Variants in FBXL20 observed in about 807,000 individuals in gnomAD.
FBXL20 encodes the protein F-box/LRR-repeat protein 20.
FBXL20 carries 11 observed loss-of-function variants against 64.0 expected under a neutral mutation model. The ratio of observed to expected loss-of-function variants is 0.17; its 90% CI spans 0.11 to 0.28. The LOEUF is 0.28. FBXL20 is among the 10% of genes least tolerant of loss of function. FBXL20 has a pLI of 1.00. For missense variants in FBXL20, 303 were observed against 526.2 expected (o/e 0.58, Z 4.15); for synonymous variants, 184 against 189.0 (o/e 0.97, Z 0.22).
rs35010353 is a variant in FBXL20 at position 39,349,935 on chromosome 17, C to CA, written c.43-6695dup. On this transcript the variant is annotated intron_variant, in intron 1 of 14. Transcript: ENST00000264658. Reference sequence around the variant, plus strand: ...TGGGCTAAAGAGCGAGACTCCGTCTCAAAAAAAAAAAAAAAAGATGCAGTC... The same window carrying CA: ...TGGGCTAAAGAGCGAGACTCCGTCTCAAAAAAAAAAAAAAAAAGATGCAGTC... Among the ~76,000 whole-genome samples the CA allele has an allele frequency of 6.0e-3, 666 of 110,904 alleles. 3 individuals are homozygous for CA. The highest frequency in any genetic ancestry group is 0.01 in the Middle Eastern group (2 of 194). The allele number at this position is 110,904 out of a possible 152,430, so 72.8% of individuals were successfully genotyped here. A position where few individuals can be genotyped will look rare whatever the true frequency, so the allele number is the denominator to read the frequency against.
At chr17:39,352,730 T>G (rs1270551513) in intron 1 of FBXL20, among the ~76,000 whole-genome samples, 2 of 151,214 alleles carry the variant, frequency 1.3e-5, no homozygotes, top group African/African-American at 4.9e-5. Flanking sequence ...GAAATACTTG[T>G]TCAACAGTGA....
At chr17:39,299,697 C>T (rs2047117683) in intron 4 of FBXL20, among the ~76,000 whole-genome samples, 1 of 152,058 alleles carries the variant, frequency 6.6e-6, no homozygotes, top group Non-Finnish European at 1.5e-5. Flanking sequence ...AGGAGAATGG[C>T]GTGAACCCAG....
intron 1 of FBXL20, among the ~76,000 whole-genome samples, chr17:39,355,888 C>T (rs1310884197): frequency 6.9e-6 from 1 of 145,482 alleles, no homozygotes; most frequent in East Asian, 2.1e-4. Context: ...AACTCCTTTG[C>T]CTAATCCAAT....
At chr17:39,276,221 G>GAAAAAAAAAAAAAAAA (rs1215336803) in intron 9 of FBXL20, among the ~76,000 whole-genome samples, 10 of 60,556 alleles carry the variant, frequency 1.7e-4, no homozygotes, top group Non-Finnish European at 2.5e-4. Context: ...AGCAAGAAAA[G>GAAAAAAAAAAAAAAAA]AAAAAAAAAA....
At chr17:39,396,393 C>A (rs1472075696) in intron 1 of FBXL20, among the ~76,000 whole-genome samples, 1 of 150,602 alleles carries the variant, frequency 6.6e-6, no homozygotes, top group Non-Finnish European at 1.5e-5. Context: ...GTCAGTAGTT[C>A]AAGACCAGTC....
At chr17:39,398,969 G>A (rs140341792) in intron 1 of FBXL20, among the ~76,000 whole-genome samples, 64 of 152,190 alleles carry the variant, frequency 4.2e-4, no homozygotes, top group African/African-American at 1.5e-3. Context: ...CACCTCGCCC[G>A]GCCCCTTGGT....
chr17:39,324,340 G>A (rs1201772067), intron 2 of FBXL20, among the ~76,000 whole-genome samples: 1 of 148,794 alleles, frequency 6.7e-6, no homozygotes, highest in East Asian at 1.9e-4. Flanking sequence ...CTAGGCTGGA[G>A]TGCAGTGGCA....
intron 1 of FBXL20, among the ~76,000 whole-genome samples, chr17:39,393,363 T>C (rs1258826055): frequency 6.6e-6 from 1 of 152,138 alleles, no homozygotes; most frequent in Admixed American, 6.6e-5. Flanking sequence ...GTTTTCACTT[T>C]GAAATGCATT....
At chr17:39,365,483 A>C (rs994302338) in intron 1 of FBXL20, among the ~76,000 whole-genome samples, 3 of 152,214 alleles carry the variant, frequency 2.0e-5, no homozygotes, top group Non-Finnish European at 4.4e-5. Flanking sequence ...GAAGGAATAC[A>C]TTTAGCTAAC....
chr17:39,287,448 C>T (rs1451780953), intron 6 of FBXL20, among the ~76,000 whole-genome samples: 2 of 152,178 alleles, frequency 1.3e-5, no homozygotes, highest in East Asian at 1.9e-4. Flanking sequence ...CACTCTGTCA[C>T]CCTGGCTGGA....
chr17:39,287,476 T>C (rs1466681114), intron 6 of FBXL20, among the ~76,000 whole-genome samples: 2 of 151,970 alleles, frequency 1.3e-5, no homozygotes, highest in Non-Finnish European at 2.9e-5. Context: ...GGCACTATCA[T>C]AACTCAATGT....
intron 14 of FBXL20, among the ~76,000 whole-genome samples, chr17:39,262,289 G>T (rs1001228510): frequency 1.3e-5 from 2 of 152,018 alleles, no homozygotes; most frequent in African/African-American, 4.8e-5. Flanking sequence ...TTAGAGGTTG[G>T]TATTTTTTTT....
chr17:39,357,392 A>C (rs571819272), intron 1 of FBXL20, among the ~76,000 whole-genome samples: 1 of 152,022 alleles, frequency 6.6e-6, no homozygotes, highest in African/African-American at 2.4e-5. Context: ...CTGTTCCATT[A>C]ATCTATACAT....
intron 2 of FBXL20, among the ~76,000 whole-genome samples, chr17:39,317,922 C>T (rs1267263542): frequency 1.3e-5 from 2 of 150,838 alleles, no homozygotes; most frequent in East Asian, 2.0e-4. Context: ...GGGATGGTCT[C>T]GATCTCCTGA....
At chr17:39,346,761 T>C (rs2047637081) in intron 1 of FBXL20, among the ~76,000 whole-genome samples, 1 of 152,056 alleles carries the variant, frequency 6.6e-6, no homozygotes, top group Non-Finnish European at 1.5e-5. Context: ...ATTACATATG[T>C]ATACATGTGC....
chr17:39,323,796 T>G (rs1404296182), intron 2 of FBXL20, among the ~76,000 whole-genome samples: 5 of 149,942 alleles, frequency 3.3e-5, no homozygotes, highest in African/African-American at 9.9e-5. Flanking sequence ...TTTTTTGAGA[T>G]GGGTCTCGCT....
intron 4 of FBXL20, among the ~76,000 whole-genome samples, chr17:39,299,285 ATT>A (rs2047113557): frequency 6.6e-6 from 1 of 152,138 alleles, no homozygotes. Flanking sequence ...CCATATTCTT[ATT>A]TTGTTTAACT....
chr17:39,304,794 G>GT (rs1262434936), intron 2 of FBXL20, among the ~76,000 whole-genome samples: 1 of 151,676 alleles, frequency 6.6e-6, no homozygotes, highest in Non-Finnish European at 1.5e-5. Context: ...TTGTTTGTTT[G>GT]TTTTTTTGAG....
At chr17:39,347,596 T>C (rs1329412966) in intron 1 of FBXL20, among the ~76,000 whole-genome samples, 1 of 152,246 alleles carries the variant, frequency 6.6e-6, no homozygotes, top group Non-Finnish European at 1.5e-5. Flanking sequence ...ATTAGTCCTT[T>C]GTCAGATGGG....
Sources: gnomAD v4.1 joint callset for allele counts (sites outside exome capture counted in the v4.1 genomes callset) on GRCh38, gnomAD v4.1.1 for gene constraint, MANE v1.5 for transcripts, NCBI Gene and HGNC (gene_info 2026-07-23, HGNC 2026-07-21) for gene names.